The following VWF variants were observed in gnomAD, a reference collection of about 807,000 sequenced individuals.
The protein encoded by VWF is von Willebrand factor, also known as Factor VIII related antigen.
In VWF, 176 loss-of-function variants were observed where a neutral mutation model predicts 308.6. The ratio of observed to expected loss-of-function variants is 0.57; its 90% CI spans 0.50 to 0.65. VWF has a LOEUF of 0.65. Among genes scored for constraint, VWF ranks in the 30% least tolerant of loss-of-function variants. The pLI is 0.00. For synonymous variants in VWF, 1,385 were observed against 1,443.4 expected (o/e 0.96, Z 0.92); for missense variants, 3,146 against 3,648.2 (o/e 0.86, Z 3.55).
At position 5,948,887 on chromosome 12, in the gene VWF, T is replaced by C. The variant is rs1021422365; in HGVS notation, c.*128A>G. 5.2e-5 allele frequency: 60 copies of C among 1,160,674 alleles called. No individual in the cohort carries two copies. Among genetic ancestry groups the C allele is most frequent in the Admixed American group, 1.0e-4 (5 of 50,146 alleles). 71.9% of individuals were successfully genotyped at this position (1,160,674 alleles called of 1,614,324 possible). A position where few individuals can be genotyped will look rare whatever the true frequency, so the allele number is the denominator to read the frequency against. ...AGTGCACCAGCAGCCTTTTGCAAGA[T>C]AAGAGCTCAGCCTTTATTGTGGGCT... On this transcript the variant is annotated 3_prime_UTR_variant, in exon 52 of 52. Transcript: ENST00000261405. The surrounding 1 kb of genome is among the most constrained non-coding windows in gnomAD (Gnocchi z 4.4).
Position 6,123,165 on chromosome 12 carries a change from A to G in VWF, c.32T>C (p.Leu11Pro). Reference protein sequence around the residue: MIPARFAGVLLALALILPGTL... With the variant: MIPARFAGVLPALALILPGTL... The stretch of plus-strand genomic sequence containing the variant: ...ACCTGGCAAAATGAGGGCCAGAGCA[A>G]GCAGCACCCCGGCAAATCTGGCAGG... Residue 11 changes from leucine to proline, a missense_variant, in exon 2 of 52, where the codon CTT (leucine) becomes CCT (proline). By Grantham distance (98) the Leu-to-Pro change is moderately conservative. Coordinates refer to ENST00000261405, the MANE Select transcript of VWF (RefSeq NM_000552.5). The G allele has an allele frequency of 1.2e-6, 2 of 1,614,218 alleles. No homozygotes were observed. The highest frequency in any genetic ancestry group is 8.5e-7 in the Non-Finnish European group (1 of 1,180,046).
chr12:6,018,060 ATT>A lies in VWF; in HGVS notation c.5053+303_5053+304del, dbSNP rs67479635. Among the ~76,000 whole-genome samples the A allele has an allele frequency of 0.064, 9,310 of 146,368 alleles. 559 individuals carry two copies. Among genetic ancestry groups the A allele is most frequent in the Admixed American group, 0.2 (2,940 of 14,918 alleles). ...GGCTGTGTGATAAAGTAAGACTTGC[ATT>A]TTTTTTTTTTTTTTACTCCTTATTG... On this transcript the variant is annotated intron_variant, in intron 28 of 51. Transcript: ENST00000261405.
At chr12:6,107,997 A>G (rs796629143) in intron 5 of VWF, among the ~76,000 whole-genome samples, 131 of 152,134 alleles carry the variant, frequency 8.6e-4, no homozygotes, top group African/African-American at 2.8e-3. Flanking sequence ...ACAAAGGCTC[A>G]AGATATACAA....
intron 37 of VWF, 58 bp downstream of exon 37, chr12:5,993,804 G>T: frequency 1.3e-6 from 2 of 1,533,996 alleles, no homozygotes; most frequent in Non-Finnish European, 1.8e-6. Context: ...GCACAGAGAG[G>T]CTGAGCAAGC....
chr12:6,044,222 G>GC, intron 18 of VWF, 69 bp downstream of exon 18: 1 of 1,590,550 alleles, frequency 6.3e-7, no homozygotes, highest in Admixed American at 1.7e-5. Context: ...TGGCTGCACA[G>GC]CCCCCTCACT....
chr12:6,050,710 A>T (rs938020630), intron 16 of VWF, among the ~76,000 whole-genome samples: 1 of 152,238 alleles, frequency 6.6e-6, no homozygotes, highest in Admixed American at 6.5e-5. Flanking sequence ...CTATAATCCC[A>T]GCACTCTGGG....
At chr12:5,985,454 A>C in intron 39 of VWF, 109 bp downstream of exon 39, 1 of 1,219,182 alleles carries the variant, frequency 8.2e-7, no homozygotes, top group African/African-American at 1.5e-5. Context: ...CTAGGACTCT[A>C]GGTGCCAGTG....
intron 51 of VWF, 124 bp from the exon 52 acceptor site, chr12:5,949,327 G>A: frequency 1.1e-6 from 1 of 950,858 alleles, no homozygotes; most frequent in Admixed American, 2.0e-5. Flanking sequence ...ATCTCACCCA[G>A]AAGCACCCAG....
At position 6,121,350 on chromosome 12, in the gene VWF, G is replaced by A. The variant is rs1335446749; in HGVS notation, c.56-12C>T. 2 of 1,613,582 alleles carry A rather than the reference G, an allele frequency of 1.2e-6. No homozygotes were observed. The highest frequency in any genetic ancestry group is 1.1e-5 in the South Asian group (1 of 90,938). ...TGCACAAAGGGTCCCTGGAGGGAGA[G>A]GCCACAGGTTGGGCTGGTGATCTCA... On this transcript the variant is annotated splice_polypyrimidine_tract_variant and intron_variant, in intron 2 of 51. Coordinates refer to ENST00000261405, the MANE Select transcript of VWF (RefSeq NM_000552.5).
chr12:6,017,081 A>G (rs1261070191), intron 28 of VWF, among the ~76,000 whole-genome samples: 2 of 152,228 alleles, frequency 1.3e-5, no homozygotes, highest in Admixed American at 6.5e-5. Context: ...ACTACCTCAG[A>G]TTTAGAGACA....
intron 6 of VWF, among the ~76,000 whole-genome samples, chr12:6,089,530 C>T (rs1474259952): frequency 6.6e-6 from 1 of 152,112 alleles, no homozygotes; most frequent in Non-Finnish European, 1.5e-5. Flanking sequence ...GGGAGGCAAA[C>T]AAGGCTTCTC....
chr12:5,957,064 G>C (rs1029121024), intron 47 of VWF, among the ~76,000 whole-genome samples: 5 of 152,014 alleles, frequency 3.3e-5, no homozygotes, highest in African/African-American at 7.3e-5. Flanking sequence ...CCTTTTCTAT[G>C]TTTACATGTG....
chr12:6,095,921 A>G, intron 5 of VWF: 1 of 358,824 alleles, frequency 2.8e-6, no homozygotes, highest in East Asian at 7.1e-5. Context: ...ATCCTCCCCC[A>G]TCAGCCTCCC....
chr12:6,033,245 G>A (rs1415220158), intron 20 of VWF, among the ~76,000 whole-genome samples: 1 of 152,222 alleles, frequency 6.6e-6, no homozygotes, highest in Non-Finnish European at 1.5e-5. Context: ...AGGGAGTTAG[G>A]TCTTGATGAT....
chr12:5,992,153 T>C (rs1200174600), intron 37 of VWF, 135 bp from the exon 38 acceptor site: 3 of 778,988 alleles, frequency 3.9e-6, no homozygotes, highest in African/African-American at 1.7e-5. Flanking sequence ...ATCTTCATCC[T>C]CCCCACCTTC....
At chr12:5,951,215 A>G (rs1030342790) in intron 50 of VWF, among the ~76,000 whole-genome samples, 2 of 152,168 alleles carry the variant, frequency 1.3e-5, no homozygotes, top group African/African-American at 4.8e-5. Flanking sequence ...TCTGATGTGC[A>G]GATTTGTGTC....
rs754986617 is a variant in VWF, at chr12:6,013,569, G to A, written c.5532C>T (p.Gly1844=). ...AQLRILAGPA[G]DSNVVKLQRI... Reference sequence around the variant, plus strand: ...GCTGGAGCTTCACCACGTTGGAGTCGCCTGCTGGGCCTGCCAAGATCCGTA... The same window carrying A: ...GCTGGAGCTTCACCACGTTGGAGTCACCTGCTGGGCCTGCCAAGATCCGTA... The change falls in exon 32 of 52, where the codon GGC becomes GGT. Residue 1844 remains glycine, a synonymous_variant. Transcript: ENST00000261405. 1.3e-5 allele frequency: 21 copies of A among 1,613,890 alleles called. No homozygotes were observed. Among genetic ancestry groups the A allele is most frequent in the South Asian group, 8.8e-5 (8 of 91,070 alleles).
In VWF at chr12:5,980,705, T is replaced by TCCAGAGG. The variant is rs545919299; in HGVS notation, c.7287+1080_7287+1081insCCTCTGG. Among the ~76,000 whole-genome samples, 434 of 152,352 alleles carry TCCAGAGG rather than the reference T, an allele frequency of 2.8e-3. 12 individuals are homozygous for TCCAGAGG. Among genetic ancestry groups the TCCAGAGG allele is most frequent in the Admixed American group, 0.023 (346 of 15,298 alleles). On this transcript the variant is annotated intron_variant, in intron 42 of 51. Transcript: ENST00000261405. ...AACTGCGTGCTTAGAATCCCTGAGC[T>TCCAGAGG]GGAAGAGCGTCCAGAGGGGAAGAGA...
At chr12:6,106,037 A>G (rs192185034) in intron 5 of VWF, among the ~76,000 whole-genome samples, 6 of 152,266 alleles carry the variant, frequency 3.9e-5, no homozygotes, top group African/African-American at 1.4e-4. Context: ...GGGAAACTCC[A>G]TCTCAAAAAA....
Sources: gnomAD v4.1 joint callset for allele counts (sites outside exome capture counted in the v4.1 genomes callset) on GRCh38, gnomAD v4.1.1 for gene constraint, Gnocchi (gnomAD v3.1) non-coding constraint, MANE v1.5 for transcripts, NCBI Gene and HGNC (gene_info 2026-07-23, HGNC 2026-07-21) for gene names.